The following LUZP2 variants were observed in gnomAD, a reference collection of about 807,000 sequenced individuals.
LUZP2 encodes leucine zipper protein 2.
Under a neutral mutation model 51.6 loss-of-function variants are expected in LUZP2, and 52 were observed. The observed-to-expected ratio is 1.01, with a 90% CI of 0.81 to 1.27. LUZP2 has a LOEUF of 1.27. LUZP2 is among the 50% of genes most tolerant of loss of function. The pLI is 0.00. For synonymous variants in LUZP2, 154 were observed against 137.3 expected, an observed-to-expected ratio of 1.12 and a Z score of -0.85; for missense variants, 436 against 395.4, an observed-to-expected ratio of 1.10 and a Z score of -0.87.
rs1245879275 is a variant in LUZP2 at position 25,063,421 on chromosome 11, T to C, written c.858+13291T>C. ...CATCTTAATACAATATTTTCCAAAA[T>C]ATCTGTGTGAATATATCTTCACACC... On this transcript the variant is annotated intron_variant, in intron 10 of 11. Transcript: ENST00000336930. Among the ~76,000 whole-genome samples, 2 of 151,790 alleles carry C rather than the reference T, an allele frequency of 1.3e-5. 1 individual carries two copies. Among genetic ancestry groups the C allele is most frequent in the African/African-American group, 4.8e-5 (2 of 41,424 alleles).
At chr11:24,938,276 TA>T (rs1409964229) in intron 7 of LUZP2, among the ~76,000 whole-genome samples, 6 of 152,162 alleles carry the variant, frequency 3.9e-5, no homozygotes, top group African/African-American at 1.4e-4. Context: ...AGAAAAGAAA[TA>T]AATGCAAACA....
At chr11:25,065,207 C>G (rs529393500) in intron 10 of LUZP2, among the ~76,000 whole-genome samples, 2 of 151,950 alleles carry the variant, frequency 1.3e-5, no homozygotes, top group African/African-American at 4.8e-5. Context: ...CTGGGTTGTT[C>G]TCTACCATGT....
intron 5 of LUZP2, among the ~76,000 whole-genome samples, chr11:24,798,073 C>T (rs1849594608): frequency 6.6e-6 from 1 of 151,994 alleles, no homozygotes. Flanking sequence ...AAAAAGAAGT[C>T]CTTTTTTGGC....
intron 5 of LUZP2, chr11:24,893,334 C>G (rs1852915968): frequency 9.6e-6 from 1 of 104,634 alleles, no homozygotes; most frequent in Admixed American, 9.5e-5. Context: ...AGAATATAAA[C>G]AGCAAAAAAA....
chr11:24,841,508 G>C (rs778953863), intron 5 of LUZP2, among the ~76,000 whole-genome samples: 13 of 152,022 alleles, frequency 8.6e-5, no homozygotes, highest in Admixed American at 2.0e-4. Context: ...AGTGGTAGCA[G>C]GTAGAATTCT....
At chr11:25,034,068 T>C (rs888567680) in intron 9 of LUZP2, among the ~76,000 whole-genome samples, 1 of 152,182 alleles carries the variant, frequency 6.6e-6, no homozygotes, top group Non-Finnish European at 1.5e-5. Context: ...CATTCCCTTT[T>C]CTTCACAGCC....
At chr11:24,951,152 T>C (rs12274359) in intron 7 of LUZP2, among the ~76,000 whole-genome samples, 1 of 151,360 alleles carries the variant, frequency 6.6e-6, no homozygotes, top group African/African-American at 2.4e-5. Context: ...TGCGAGAATA[T>C]ACTTAATTAC....
intron 1 of LUZP2, among the ~76,000 whole-genome samples, chr11:24,627,905 T>C (rs1252504255): frequency 6.6e-6 from 1 of 152,190 alleles, no homozygotes; most frequent in Non-Finnish European, 1.5e-5. Context: ...TGTGTGCATA[T>C]ATTTAACTGA....
intron 1 of LUZP2, among the ~76,000 whole-genome samples, chr11:24,629,977 G>A (rs1284846677): frequency 6.6e-6 from 1 of 151,526 alleles, no homozygotes; most frequent in African/African-American, 2.4e-5. Context: ...ATACGTGTTG[G>A]CCATTTGTAT....
At chr11:24,940,650 A>G (rs1315462669) in intron 7 of LUZP2, among the ~76,000 whole-genome samples, 1 of 152,222 alleles carries the variant, frequency 6.6e-6, no homozygotes, top group African/African-American at 2.4e-5. Flanking sequence ...CTTCTGGCAC[A>G]TATTAAGTGC....
intron 1 of LUZP2, among the ~76,000 whole-genome samples, chr11:24,605,665 G>A (rs1342075070): frequency 6.6e-6 from 1 of 151,716 alleles, no homozygotes; most frequent in Non-Finnish European, 1.5e-5. Flanking sequence ...TATTTAAAGT[G>A]AAATTTTGAA....
Position 24,983,192 on chromosome 11 carries a change from C to T in LUZP2, c.664C>T (p.Pro222Ser). 6.2e-7 allele frequency: 1 copy of T among 1,612,286 alleles called. No homozygotes were observed. Among genetic ancestry groups the T allele is most frequent in the Non-Finnish European group, 8.5e-7 (1 of 1,178,846 alleles). ...CTTGACATCTGTTTTCCGTGATCAGCCTCCTCCCCCTTTGAGTTTAATCAC... is the reference window on the plus strand; with the variant it reads ...CTTGACATCTGTTTTCCGTGATCAGTCTCCTCCCCCTTTGAGTTTAATCAC... Reference protein sequence around the residue: ...LCLTSVFRDQPPPPLSLITSN... With the variant: ...LCLTSVFRDQSPPPLSLITSN... Residue 222 changes from proline to serine, a missense_variant, in exon 9 of 12, where the codon CCT becomes TCT. By Grantham distance (74) the Pro-to-Ser change is moderately conservative. Transcript: ENST00000336930.
rs74364793 is a variant in LUZP2 at position 25,018,123 on chromosome 11, T to C, written c.766-31915T>C. On this transcript the variant is annotated intron_variant, in intron 9 of 11. Transcript: ENST00000336930. ...ATTTGATATTCAGCTTGGTGGTTGT[T>C]GGTATATGGCATTGCTACTGATTTG... 7.9e-3 allele frequency among the ~76,000 whole-genome samples: 1,200 copies of C among 151,638 alleles called. 35 individuals carry two copies. In the East Asian group the frequency reaches 0.099, roughly 13 times the overall value.
chr11:24,692,244 AG>A (rs1857095737), intron 1 of LUZP2, among the ~76,000 whole-genome samples: 1 of 152,024 alleles, frequency 6.6e-6, no homozygotes, highest in African/African-American at 2.4e-5. Flanking sequence ...AGAGCTTCAC[AG>A]GTTACCCAAA....
Position 24,878,111 on chromosome 11 carries a change from T to TC in LUZP2, c.397-27880_397-27879insC, listed in dbSNP as rs200580957. On this transcript the variant is annotated intron_variant, in intron 5 of 11. Coordinates refer to ENST00000336930, the MANE Select transcript of LUZP2 (RefSeq NM_001009909.4). ...TTGTAATATTCTGTGTTTTTTTTTT[T>TC]TTTTTTGGTGAACTTACAATTACCA... Among the ~76,000 whole-genome samples the TC allele has an allele frequency of 6.6e-3, 994 of 151,090 alleles. 21 individuals carry two copies. The highest frequency in any genetic ancestry group is 0.055 in the East Asian group (283 of 5,116).
chr11:24,961,867 A>T (rs1384590838), intron 7 of LUZP2, among the ~76,000 whole-genome samples: 7 of 150,004 alleles, frequency 4.7e-5, no homozygotes, highest in African/African-American at 1.7e-4. Context: ...TTTTGGCATG[A>T]TTTTGCAGTG....
chr11:24,500,126 TC>T (rs1849950070), intron 1 of LUZP2, among the ~76,000 whole-genome samples: 1 of 151,402 alleles, frequency 6.6e-6, no homozygotes, highest in Admixed American at 6.6e-5. Context: ...ACAGTGAACA[TC>T]AATGGCCCCC....
At chr11:24,839,108 T>C (rs1368230129) in intron 5 of LUZP2, among the ~76,000 whole-genome samples, 3 of 151,674 alleles carry the variant, frequency 2.0e-5, no homozygotes, top group African/African-American at 7.2e-5. Flanking sequence ...CATGAGCATT[T>C]TTCCCAAAAT....
At chr11:24,624,189 T>C (rs1854602926) in intron 1 of LUZP2, among the ~76,000 whole-genome samples, 1 of 152,206 alleles carries the variant, frequency 6.6e-6, no homozygotes, top group African/African-American at 2.4e-5. Flanking sequence ...CTAATCACAA[T>C]GCCAGAATTT....
Sources: allele counts gnomAD v4.1 joint callset (sites outside exome capture counted in the v4.1 genomes callset), GRCh38; gene constraint gnomAD v4.1.1; transcripts MANE v1.5; gene names NCBI Gene and HGNC (gene_info 2026-07-23, HGNC 2026-07-21).